Variants in OSBPL11 observed in about 807,000 individuals in gnomAD.
OSBPL11 encodes oxysterol binding protein like 11, also known as oxysterol-binding protein-related protein 11.
A neutral mutation model predicts 84.4 loss-of-function variants in OSBPL11; 33 were observed. That is an observed-to-expected ratio of 0.39 (90% confidence interval 0.30 to 0.52). The LOEUF is 0.52. Ranked by LOEUF, OSBPL11 falls within the 20% of genes least tolerant of loss-of-function variation. The pLI is 0.72. For synonymous variants in OSBPL11, 276 were observed against 310.2 expected (o/e 0.89, Z 1.16); for missense variants, 736 against 901.1 (o/e 0.82, Z 2.35).
intron 10 of OSBPL11, among the ~76,000 whole-genome samples, chr3:125,539,800 A>G (rs1336541811): frequency 6.6e-6 from 1 of 152,182 alleles, no homozygotes; most frequent in Non-Finnish European, 1.5e-5. Context: ...CACAGATAAC[A>G]ACAGGGTCAG....
chr3:125,539,300 C>CATAT (rs10678056), intron 10 of OSBPL11, among the ~76,000 whole-genome samples: 1,396 of 67,466 alleles, frequency 0.021, 9 homozygotes, highest in Middle Eastern at 0.03. Flanking sequence ...TCACCACAGC[C>CATAT]ATATATATAT....
Position 125,582,869 on chromosome 3 carries a change from C to T in OSBPL11, c.233+41G>A, listed in dbSNP as rs772443705. 5 of 1,425,448 alleles carry T rather than the reference C, an allele frequency of 3.5e-6. No homozygotes were observed. The African/African-American group carries it at 7.2e-5, about 21-fold the overall frequency. The allele number at this position is 1,425,448 out of a possible 1,614,324, so 88.3% of individuals were successfully genotyped here. ...AAAATTATTGGGCCCTATTCCTGCT[C>T]TCTTAGGAGAGACTGATGTGACACA... is the stretch of plus-strand genomic sequence containing the variant. On this transcript the variant is annotated intron_variant, in intron 2 of 12. Coordinates refer to ENST00000296220, the MANE Select transcript of OSBPL11 (RefSeq NM_022776.5).
chr3:125,562,106 C>T (rs1936086963), intron 7 of OSBPL11, among the ~76,000 whole-genome samples: 1 of 152,174 alleles, frequency 6.6e-6, no homozygotes, highest in Admixed American at 6.5e-5. Flanking sequence ...TCCAATCCCA[C>T]TTTCTCCCCA....
At chr3:125,592,439 A>G (rs963372230) in intron 1 of OSBPL11, among the ~76,000 whole-genome samples, 8 of 152,254 alleles carry the variant, frequency 5.3e-5, no homozygotes, top group African/African-American at 1.9e-4. Flanking sequence ...GTGTCAAAAA[A>G]AATGAAATTA....
chr3:125,590,325 G>A (rs1936578059), intron 1 of OSBPL11, among the ~76,000 whole-genome samples: 1 of 152,200 alleles, frequency 6.6e-6, no homozygotes, highest in South Asian at 2.1e-4. Flanking sequence ...CGAAGTGGGT[G>A]GATCACTTGA....
intron 5 of OSBPL11, 43 bp from the exon 6 acceptor site, chr3:125,567,638 T>C: frequency 6.7e-7 from 1 of 1,488,306 alleles, no homozygotes; most frequent in Non-Finnish European, 9.4e-7. Context: ...ATGATTTCTG[T>C]AAAACATGTA....
At chr3:125,581,695 C>CA (rs1189619626) in intron 2 of OSBPL11, among the ~76,000 whole-genome samples, 8,071 of 62,258 alleles carry the variant, frequency 0.13, 565 homozygotes, top group Non-Finnish European at 0.14. Context: ...GACTCCATCT[C>CA]AAAAAAAAAA....
At chr3:125,542,250 G>A (rs776416082) in intron 10 of OSBPL11, among the ~76,000 whole-genome samples, 12 of 151,864 alleles carry the variant, frequency 7.9e-5, no homozygotes, top group Non-Finnish European at 1.6e-4. Flanking sequence ...ACTACCGTAA[G>A]AAAGGTATAT....
intron 10 of OSBPL11, among the ~76,000 whole-genome samples, chr3:125,546,872 G>A (rs923038730): frequency 1.3e-5 from 2 of 151,724 alleles, no homozygotes; most frequent in Admixed American, 6.6e-5. Context: ...AGGCGACAGA[G>A]TGAGACTCTG....
chr3:125,583,976 T>C (rs191324087), intron 1 of OSBPL11, among the ~76,000 whole-genome samples: 25 of 152,232 alleles, frequency 1.6e-4, no homozygotes, highest in Admixed American at 1.1e-3. Flanking sequence ...TTTGAGGCCA[T>C]AGAAAACCCA....
At chr3:125,555,188 C>T (rs938638091) in intron 8 of OSBPL11, among the ~76,000 whole-genome samples, 6 of 152,064 alleles carry the variant, frequency 3.9e-5, no homozygotes, top group Non-Finnish European at 7.4e-5. Flanking sequence ...TGCTTCCTGC[C>T]CTTGAACATC....
At chr3:125,552,793 A>G in intron 8 of OSBPL11, 114 bp from the exon 9 acceptor site, 1 of 1,254,364 alleles carries the variant, frequency 8.0e-7, no homozygotes, top group Non-Finnish European at 1.1e-6. Context: ...AAACAAAGTC[A>G]CAAAGAAAAA....
intron 3 of OSBPL11, 76 bp downstream of exon 3, chr3:125,579,789 T>A: frequency 1.5e-6 from 2 of 1,327,190 alleles, no homozygotes; most frequent in Non-Finnish European, 2.2e-6. Context: ...CCAAAGCCCA[T>A]ATGAAAGCAT....
At chr3:125,578,870 T>A in intron 4 of OSBPL11, 90 bp downstream of exon 4, 1 of 717,338 alleles carries the variant, frequency 1.4e-6, no homozygotes. Flanking sequence ...TTTTACGGTA[T>A]ATGAATAGTA....
At chr3:125,567,369 GC>G (rs759643311) in intron 6 of OSBPL11, 24 bp downstream of exon 6, 13 of 1,571,800 alleles carry the variant, frequency 8.3e-6, no homozygotes, top group Non-Finnish European at 1.1e-5. Flanking sequence ...TCATTGTGAA[GC>G]CCTACCTTTA....
intron 5 of OSBPL11, among the ~76,000 whole-genome samples, chr3:125,572,924 T>C (rs971860484): frequency 4.2e-5 from 6 of 141,942 alleles, no homozygotes; most frequent in African/African-American, 1.0e-4. Context: ...TGTATATATA[T>C]ACACACACAC....
intron 11 of OSBPL11, among the ~76,000 whole-genome samples, chr3:125,535,171 T>C (rs4679405): frequency 0.61 from 92,576 of 151,348 alleles, 30,808 homozygotes; most frequent in African/African-American, 0.9. Flanking sequence ...GATATCACTA[T>C]AGATCCTACA....
rs1469635654 is a variant in OSBPL11, at chr3:125,594,732, G to A, written c.69C>T (p.Ala23=). The A allele has an allele frequency of 2.5e-6, 4 of 1,614,168 alleles. No individual in the cohort carries two copies. In the Admixed American group the frequency reaches 5.0e-5, roughly 20 times the overall value. Residue 23 remains alanine, a synonymous_variant, in exon 1 of 13, where the codon GCC becomes GCT. Transcript: ENST00000296220. ...SESEGKLEGQ[A]TAVTPNKNSS... ...TGTTCTTGTTCGGGGTCACCGCTGT[G>A]GCCTGGCCCTCCAGCTTTCCTTCGC...
At chr3:125,535,254 T>A (rs1223191406) in intron 11 of OSBPL11, among the ~76,000 whole-genome samples, 1 of 151,822 alleles carries the variant, frequency 6.6e-6, no homozygotes, top group East Asian at 1.9e-4. Context: ...ATGAACCAAT[T>A]CCTTGAAAGA....
Sources: allele counts gnomAD v4.1 joint callset (sites outside exome capture counted in the v4.1 genomes callset), GRCh38; gene constraint gnomAD v4.1.1; transcripts MANE v1.5; gene names NCBI Gene and HGNC (gene_info 2026-07-23, HGNC 2026-07-21).